Variants in CUL5 observed in about 807,000 individuals in gnomAD.
CUL5 encodes the protein cullin 5, also known as cullin-5.
In CUL5, 26 loss-of-function variants were observed where a neutral mutation model predicts 108.8. The observed-to-expected ratio is 0.24, with a 90% CI of 0.18 to 0.33. The LOEUF (loss-of-function observed/expected upper bound fraction) is 0.33, where lower values mean the gene tolerates loss of function less well. CUL5 is among the 10% of genes least tolerant of loss of function. The pLI is 1.00. For missense variants in CUL5, 524 were observed against 909.2 expected (o/e 0.58, Z 5.45); for synonymous variants, 334 against 298.0 (o/e 1.12, Z -1.25).
At chr11:108,031,311 G>A (rs11605419) in intron 1 of CUL5, among the ~76,000 whole-genome samples, 19,964 of 150,292 alleles carry the variant, frequency 0.13, 1,422 homozygotes, top group African/African-American at 0.19. Context: ...GCTATAGTGA[G>A]CCAAGATTAT....
At chr11:108,022,222 G>A (rs1862343828) in intron 1 of CUL5, among the ~76,000 whole-genome samples, 1 of 151,932 alleles carries the variant, frequency 6.6e-6, no homozygotes. Context: ...CGTTATGTAG[G>A]GATTTCTGGG....
chr11:108,026,956 T>TCCA (rs1161018381), intron 1 of CUL5, among the ~76,000 whole-genome samples: 1 of 137,988 alleles, frequency 7.2e-6, no homozygotes, highest in East Asian at 2.2e-4. Flanking sequence ...GCCACTGCAC[T>TCCA]CCAGCCTGAA....
intron 1 of CUL5, among the ~76,000 whole-genome samples, chr11:108,023,299 C>T (rs536806297): frequency 8.3e-4 from 126 of 152,204 alleles, no homozygotes; most frequent in African/African-American, 2.9e-3. Flanking sequence ...CTGTGGGCTG[C>T]CTTTTCACTC....
At chr11:108,098,312 AT>A in intron 17 of CUL5, 93 bp from the exon 18 acceptor site, 3 of 1,122,266 alleles carry the variant, frequency 2.7e-6, no homozygotes, top group Non-Finnish European at 3.8e-6. Flanking sequence ...ATATTTTAGC[AT>A]ATTTTTAAAT....
At chr11:108,097,914 G>A (rs2135244387) in intron 17 of CUL5, among the ~76,000 whole-genome samples, 160 bp downstream of exon 17, 1 of 152,230 alleles carries the variant, frequency 6.6e-6, no homozygotes, top group East Asian at 1.9e-4. Flanking sequence ...ATATTAATCA[G>A]ATGTTTACTT....
chr11:108,044,408 G>A (rs184489986), intron 2 of CUL5, among the ~76,000 whole-genome samples: 2 of 152,104 alleles, frequency 1.3e-5, no homozygotes, highest in South Asian at 2.1e-4. Context: ...CCAGCTAGTC[G>A]GGAGGCTGAG....
chr11:108,009,791 C>T lies in CUL5; in HGVS notation c.24+419C>T, dbSNP rs530368647. On this transcript the variant is annotated intron_variant, in intron 1 of 18. Transcript: ENST00000393094. ...TGCCTAACAGGTTTCAGTGACTCGA[C>T]CCCCCACTTCTTCCATTTCTGTTCT... is the stretch of plus-strand genomic sequence containing the variant. Among the ~76,000 whole-genome samples, 18 of 152,148 alleles carry T rather than the reference C, an allele frequency of 1.2e-4. 1 individual carries two copies. The South Asian group carries it at 3.5e-3, about 30-fold the overall frequency.
At chr11:108,041,772 A>G (rs1341816309) in intron 2 of CUL5, among the ~76,000 whole-genome samples, 1 of 151,464 alleles carries the variant, frequency 6.6e-6, no homozygotes, top group African/African-American at 2.4e-5. Context: ...TCGTATTTTT[A>G]GTGGAGATGG....
intron 18 of CUL5, among the ~76,000 whole-genome samples, chr11:108,101,170 C>CT (rs1392124506): frequency 1.3e-5 from 2 of 152,200 alleles, no homozygotes; most frequent in Non-Finnish European, 2.9e-5. Context: ...AATGCTCAGA[C>CT]TTTATTTCCT....
In CUL5 at chr11:108,042,323, A is replaced by G. The variant is rs565045218; in HGVS notation, c.135-3947A>G. Among the ~76,000 whole-genome samples the G allele has an allele frequency of 4.6e-5, 7 of 151,156 alleles. No homozygotes were observed. In the East Asian group the frequency reaches 9.8e-4, roughly 21 times the overall value. On this transcript the variant is annotated intron_variant, in intron 2 of 18. Transcript: ENST00000393094. The stretch of plus-strand genomic sequence containing the variant: ...CAACCTCCACCCCCGGGTTCAAGCA[A>G]TTCTCATGCCTCAGCCTCCCAAATT...
chr11:108,022,699 A>G (rs1173147163), intron 1 of CUL5, among the ~76,000 whole-genome samples: 1 of 152,204 alleles, frequency 6.6e-6, no homozygotes, highest in Admixed American at 6.5e-5. Flanking sequence ...TGGTCTGGGC[A>G]AATGATGGTA....
rs76638109 is a variant in CUL5, at chr11:108,030,716, A to G, written c.25-3086A>G. On this transcript the variant is annotated intron_variant, in intron 1 of 18. Transcript: ENST00000393094. ...GACAGTATATTAACTTTTAGGATGA[A>G]CTATGTTCGTGAATATAAGCAGGAT... is the stretch of plus-strand genomic sequence containing the variant. Among the ~76,000 whole-genome samples the G allele has an allele frequency of 6.1e-4, 93 of 152,306 alleles. No homozygotes were observed. The East Asian group carries it at 0.013, about 21-fold the overall frequency.
At chr11:108,092,523 ATAAAC>A (rs1864385000) in intron 13 of CUL5, among the ~76,000 whole-genome samples, 2 of 152,260 alleles carry the variant, frequency 1.3e-5, no homozygotes, top group Admixed American at 1.3e-4. Context: ...ATAAAAAGGA[ATAAAC>A]TAATAATACA....
rs753491064 is a variant in CUL5 at position 108,094,931 on chromosome 11, A to C, written c.1687A>C (p.Lys563Gln). 6.2e-7 allele frequency: 1 copy of C among 1,610,186 alleles called. No homozygotes were observed. Among genetic ancestry groups the C allele is most frequent in the Non-Finnish European group, 8.5e-7 (1 of 1,177,520 alleles). The change falls in exon 15 of 19, where the codon AAA becomes CAA. Residue 563 changes from lysine (K) to glutamine (Q), a missense_variant. Transcript: ENST00000393094. Reference protein sequence around the residue: ...DLIPEVEEFYKKNHSGRKLHW... With the variant: ...DLIPEVEEFYQKNHSGRKLHW... Reference sequence around the variant, plus strand: ...GATACCGGAAGTAGAAGAATTCTACAAAAAAAATCATAGTGGTAGAAAATT... The same window carrying C: ...GATACCGGAAGTAGAAGAATTCTACCAAAAAAATCATAGTGGTAGAAAATT...
At chr11:108,050,868 G>A (rs1036050150) in intron 4 of CUL5, among the ~76,000 whole-genome samples, 1 of 152,170 alleles carries the variant, frequency 6.6e-6, no homozygotes, top group African/African-American at 2.4e-5. Context: ...AACCAGTCAT[G>A]ATTTAATGGA....
intron 10 of CUL5, among the ~76,000 whole-genome samples, chr11:108,074,999 A>G (rs1040594266): frequency 2.6e-5 from 4 of 152,110 alleles, no homozygotes; most frequent in African/African-American, 7.2e-5. Flanking sequence ...ATGGGAAGTC[A>G]TTTAAAAATT....
At chr11:108,066,219 C>T (rs939433884) in intron 7 of CUL5, among the ~76,000 whole-genome samples, 3 of 152,018 alleles carry the variant, frequency 2.0e-5, no homozygotes, top group Admixed American at 1.3e-4. Context: ...TGGTGGATGC[C>T]TGCTGTCCCA....
At chr11:108,080,354 G>A (rs113622825) in intron 11 of CUL5, among the ~76,000 whole-genome samples, 3,000 of 152,164 alleles carry the variant, frequency 0.02, 108 homozygotes, top group African/African-American at 0.068. Flanking sequence ...CTCCCAAAGT[G>A]TTGAGCTTAC....
rs144411281 is a variant in CUL5, at chr11:108,013,017, T to C, written c.24+3645T>C. 7.1e-3 allele frequency among the ~76,000 whole-genome samples: 1,083 copies of C among 152,286 alleles called. 24 individuals carry two copies. Among genetic ancestry groups the C allele is most frequent in the East Asian group, 0.036 (185 of 5,192 alleles). ...TTCTTTGCCCTTTAACTTAATGATA[T>C]GGCTTACTCTTCTCTCCCACCCAAT... On this transcript the variant is annotated intron_variant, in intron 1 of 18. Transcript: ENST00000393094.
Sources: gnomAD v4.1 joint callset for allele counts (sites outside exome capture counted in the v4.1 genomes callset) on GRCh38, gnomAD v4.1.1 for gene constraint, MANE v1.5 for transcripts, NCBI Gene and HGNC (gene_info 2026-07-23, HGNC 2026-07-21) for gene names.